The following LRGUK variants were observed in gnomAD, a reference collection of about 807,000 sequenced individuals.
The protein encoded by LRGUK is leucine-rich repeat and guanylate kinase domain-containing protein.
A neutral mutation model predicts 76.0 loss-of-function variants in LRGUK; 65 were observed. The observed-to-expected ratio is 0.85, with a 90% CI of 0.70 to 1.05. The LOEUF (loss-of-function observed/expected upper bound fraction) is 1.05. LRGUK is among the 50% of genes least tolerant of loss of function. The pLI is 0.00. For synonymous variants in LRGUK, 268 were observed against 265.6 expected (o/e 1.01, Z -0.09); for missense variants, 758 against 732.8 (o/e 1.03, Z -0.40).
intron 16 of LRGUK, among the ~76,000 whole-genome samples, chr7:134,229,867 G>A (rs1283792734): frequency 6.6e-6 from 1 of 151,998 alleles, no homozygotes; most frequent in Non-Finnish European, 1.5e-5. Flanking sequence ...ATTTAACCCT[G>A]ATCTCACACC....
intron 16 of LRGUK, among the ~76,000 whole-genome samples, chr7:134,236,544 C>T (rs1802021377): frequency 6.6e-6 from 1 of 152,190 alleles, no homozygotes; most frequent in Non-Finnish European, 1.5e-5. Context: ...GAATTTCCTG[C>T]AATTGGCAGT....
intron 11 of LRGUK, among the ~76,000 whole-genome samples, chr7:134,190,859 A>AG (rs1261989012): frequency 2.6e-5 from 4 of 152,288 alleles, no homozygotes; most frequent in African/African-American, 7.2e-5. Context: ...TAGGAAAAAA[A>AG]CAGATAAATA....
intron 16 of LRGUK, 84 bp from the exon 17 acceptor site, chr7:134,247,472 G>A (rs1264033515): frequency 7.2e-6 from 7 of 973,412 alleles, no homozygotes; most frequent in East Asian, 5.1e-5. Context: ...TCAATCTCTA[G>A]TACCAAAGAG....
At chr7:134,262,133 G>A (rs977480154) in intron 19 of LRGUK, among the ~76,000 whole-genome samples, 1 of 152,162 alleles carries the variant, frequency 6.6e-6, no homozygotes, top group Non-Finnish European at 1.5e-5. Context: ...CAGCACTTTG[G>A]GAGGCTGAGG....
intron 1 of LRGUK, 103 bp downstream of exon 1, chr7:134,127,767 A>T (rs538325106): frequency 1.0e-5 from 13 of 1,290,694 alleles, no homozygotes; most frequent in Non-Finnish European, 1.3e-5. Flanking sequence ...AGCTTCCCAC[A>T]CCTTCTCAGG....
intron 12 of LRGUK, among the ~76,000 whole-genome samples, chr7:134,195,121 A>G (rs1009262489): frequency 1.7e-4 from 26 of 152,112 alleles, no homozygotes; most frequent in African/African-American, 6.0e-4. Flanking sequence ...CCACAAGATC[A>G]GATGAGCCAG....
At chr7:134,168,265 TGAGG>T (rs1799077465) in intron 7 of LRGUK, among the ~76,000 whole-genome samples, 1 of 152,092 alleles carries the variant, frequency 6.6e-6, no homozygotes, top group African/African-American at 2.4e-5. Context: ...CTTGGGAGGT[TGAGG>T]CAGGAGGATG....
chr7:134,178,616 A>G lies in LRGUK; in HGVS notation c.1214+7A>G, dbSNP rs746627212. On this transcript the variant is annotated splice_region_variant and intron_variant, in intron 10 of 15. Transcript: ENST00000645682. ...CGCAGAGGATCTTTGACAGGTACTT[A>G]TTAGAAATCCAAAGGCCGGAATTCA... The G allele has an allele frequency of 6.8e-6, 11 of 1,608,216 alleles. 1 individual carries two copies. In the South Asian group the frequency reaches 7.7e-5, roughly 11 times the overall value.
chr7:134,183,736 C>A, exon 11 of LRGUK: 1 of 1,613,934 alleles, frequency 6.2e-7, no homozygotes, highest in Non-Finnish European at 8.5e-7. Context: ...TGTTGTAGCA[C>A]TCTTCCCAGC....
chr7:134,142,573 AG>A (rs1797809342), intron 3 of LRGUK, among the ~76,000 whole-genome samples: 1 of 151,450 alleles, frequency 6.6e-6, no homozygotes, highest in Non-Finnish European at 1.5e-5. Flanking sequence ...TCTAGTGGTA[AG>A]TCCAACTGAA....
intron 11 of LRGUK, among the ~76,000 whole-genome samples, chr7:134,185,320 G>A (rs1799939860): frequency 6.6e-6 from 1 of 152,066 alleles, no homozygotes; most frequent in Admixed American, 6.6e-5. Flanking sequence ...CAGCACTTTG[G>A]GAGGCTGAGG....
intron 12 of LRGUK, 133 bp downstream of exon 12, chr7:134,191,884 G>T (rs73441310): frequency 0.013 from 5,641 of 449,684 alleles, 130 homozygotes; most frequent in African/African-American, 0.056. Context: ...TTTTTATGGG[G>T]TTTTTTTTTT....
At chr7:134,154,067 AG>A (rs1798351839) in intron 5 of LRGUK, among the ~76,000 whole-genome samples, 1 of 152,212 alleles carries the variant, frequency 6.6e-6, no homozygotes, top group Non-Finnish European at 1.5e-5. Flanking sequence ...TAAGTGCCAC[AG>A]GGTTCCTTCA....
At chr7:134,135,825 T>C (rs1019897169) in intron 1 of LRGUK, among the ~76,000 whole-genome samples, 8 of 152,118 alleles carry the variant, frequency 5.3e-5, no homozygotes, top group African/African-American at 1.9e-4. Context: ...CCGGCTAATT[T>C]TTTTGTATTT....
intron 18 of LRGUK, among the ~76,000 whole-genome samples, chr7:134,253,715 T>A (rs1802502478): frequency 6.6e-6 from 1 of 152,138 alleles, no homozygotes; most frequent in Non-Finnish European, 1.5e-5. Context: ...CTGAGGAGGC[T>A]GAGGCAGGAG....
At chr7:134,134,557 A>G (rs1797447237) in intron 1 of LRGUK, among the ~76,000 whole-genome samples, 1 of 152,164 alleles carries the variant, frequency 6.6e-6, no homozygotes. Flanking sequence ...AAAAATGGGG[A>G]CAGCGTGGCT....
chr7:134,165,462 C>A (rs1368327297), intron 7 of LRGUK, among the ~76,000 whole-genome samples: 1 of 152,080 alleles, frequency 6.6e-6, no homozygotes, highest in Admixed American at 6.6e-5. Context: ...TTGTAATGCC[C>A]CAATACAGTG....
At chr7:134,243,806 A>G (rs1415075354) in intron 16 of LRGUK, among the ~76,000 whole-genome samples, 1 of 152,228 alleles carries the variant, frequency 6.6e-6, no homozygotes, top group Non-Finnish European at 1.5e-5. Context: ...AAACTATACT[A>G]CAAGGCTACA....
At chr7:134,189,899 A>T (rs1322093877) in intron 11 of LRGUK, among the ~76,000 whole-genome samples, 1 of 152,262 alleles carries the variant, frequency 6.6e-6, no homozygotes, top group African/African-American at 2.4e-5. Flanking sequence ...AAAATGTATT[A>T]GTACAGTTAA....
Sources: allele counts gnomAD v4.1 joint callset (sites outside exome capture counted in the v4.1 genomes callset), GRCh38; gene constraint gnomAD v4.1.1; transcripts MANE v1.5; gene names NCBI Gene and HGNC (gene_info 2026-07-23, HGNC 2026-07-21).